VEZT: variants seen among roughly 807,000 people sequenced by gnomAD.
The protein encoded by VEZT is vezatin.
In VEZT, 39 loss-of-function variants were observed where a neutral mutation model predicts 79.9. That is an observed-to-expected ratio of 0.49 (90% CI 0.38 to 0.64). The LOEUF (loss-of-function observed/expected upper bound fraction) is 0.64, where lower values mean the gene tolerates loss of function less well. Among genes scored for constraint, VEZT ranks in the 30% least tolerant of loss-of-function variants. VEZT has a pLI of 0.00. For synonymous variants in VEZT, 325 were observed against 327.6 expected (o/e 0.99, Z 0.09); for missense variants, 837 against 893.1 (o/e 0.94, Z 0.80).
At chr12:95,236,882 T>TC in intron 1 of VEZT, among the ~76,000 whole-genome samples, 1 of 152,168 alleles carries the variant, frequency 6.6e-6, no homozygotes, top group Admixed American at 6.5e-5. Context: ...CCATGGTGCT[T>TC]GGCTCTTACT....
intron 9 of VEZT, among the ~76,000 whole-genome samples, chr12:95,292,663 C>T (rs1457774256): frequency 6.6e-6 from 1 of 151,740 alleles, no homozygotes; most frequent in Non-Finnish European, 1.5e-5. Context: ...ATTCTCCTGC[C>T]TCAGCCTCCC....
At chr12:95,276,200 T>A (rs1239674135) in intron 7 of VEZT, among the ~76,000 whole-genome samples, 1 of 151,810 alleles carries the variant, frequency 6.6e-6, no homozygotes, top group African/African-American at 2.4e-5. Context: ...ATGACATTAG[T>A]GTAGCAGCCA....
chr12:95,219,244 C>T (rs1284208911), intron 1 of VEZT, among the ~76,000 whole-genome samples: 2 of 152,012 alleles, frequency 1.3e-5, no homozygotes, highest in African/African-American at 4.8e-5. Context: ...TTTTTGATTT[C>T]TGAATATAAT....
At chr12:95,251,217 G>C (rs926872282) in intron 1 of VEZT, among the ~76,000 whole-genome samples, 1 of 152,034 alleles carries the variant, frequency 6.6e-6, no homozygotes, top group African/African-American at 2.4e-5. Flanking sequence ...CACCATGTTG[G>C]CCAGGCTGGT....
chr12:95,218,014 C>T lies in VEZT; in HGVS notation c.36+128C>T, dbSNP rs2056946535. 5.3e-6 allele frequency: 5 copies of T among 939,448 alleles called. No individual in the cohort carries two copies. The Admixed American group carries it at 1.8e-4, about 33-fold the overall frequency. The allele number at this position is 939,448 out of a possible 1,614,324, so 58.2% of individuals were successfully genotyped here. A position where few individuals can be genotyped will look rare whatever the true frequency, so the allele number is the denominator to read the frequency against. On this transcript the variant is annotated intron_variant, in intron 1 of 11. Coordinates refer to ENST00000436874, the MANE Select transcript of VEZT (RefSeq NM_017599.4). Reference sequence around the variant, plus strand: ...GCTCCAGCTGGCCTCGACCACCGAACCCCAGCGATTTCAGGGCCTAGAGTC... The same window carrying T: ...GCTCCAGCTGGCCTCGACCACCGAATCCCAGCGATTTCAGGGCCTAGAGTC...
intron 1 of VEZT, among the ~76,000 whole-genome samples, chr12:95,222,882 G>A (rs973618188): frequency 2.6e-5 from 4 of 152,126 alleles, no homozygotes; most frequent in Admixed American, 2.0e-4. Flanking sequence ...TACAAAATGA[G>A]AATTATCTGT....
intron 3 of VEZT, among the ~76,000 whole-genome samples, chr12:95,260,959 A>G (rs2064344067): frequency 6.6e-6 from 1 of 151,732 alleles, no homozygotes; most frequent in Non-Finnish European, 1.5e-5. Context: ...CAAATATGAA[A>G]CATAAAAGTG....
At chr12:95,230,725 G>A (rs1281977663) in intron 1 of VEZT, among the ~76,000 whole-genome samples, 9 of 152,034 alleles carry the variant, frequency 5.9e-5, no homozygotes, top group Non-Finnish European at 8.8e-5. Flanking sequence ...TCTGGCCTTT[G>A]TCTTAAAGCA....
chr12:95,230,574 CTT>C (rs56104790), intron 1 of VEZT, among the ~76,000 whole-genome samples: 24,710 of 137,216 alleles, frequency 0.18, 2,765 homozygotes, highest in African/African-American at 0.35. Context: ...GTTATCTCTC[CTT>C]TTTTTTTTTT....
intron 7 of VEZT, among the ~76,000 whole-genome samples, chr12:95,281,795 C>T (rs2069195139): frequency 6.6e-6 from 1 of 152,142 alleles, no homozygotes; most frequent in East Asian, 1.9e-4. Flanking sequence ...ATCCATCCGC[C>T]TTCACCTCCC....
intron 2 of VEZT, among the ~76,000 whole-genome samples, chr12:95,254,355 T>C (rs2063117900): frequency 7.0e-6 from 1 of 143,406 alleles, no homozygotes; most frequent in Non-Finnish European, 1.5e-5. Flanking sequence ...TTTTTTTTTT[T>C]TTTTTTTTTG....
Position 95,267,881 on chromosome 12 carries a change from C to T in VEZT, c.710+1249C>T, listed in dbSNP as rs979574817. Among the ~76,000 whole-genome samples, 5 of 151,994 alleles carry T rather than the reference C, an allele frequency of 3.3e-5. No individual in the cohort carries two copies. In the East Asian group the frequency reaches 7.8e-4, roughly 24 times the overall value. On this transcript the variant is annotated intron_variant, in intron 5 of 11. Coordinates refer to ENST00000436874, the MANE Select transcript of VEZT (RefSeq NM_017599.4). ...TACAAATAATAAAAAATTAGCCAGACGTGGTGGCACACACCTGTAGTCCCA... is the reference window on the plus strand; with the variant it reads ...TACAAATAATAAAAAATTAGCCAGATGTGGTGGCACACACCTGTAGTCCCA...
intron 6 of VEZT, among the ~76,000 whole-genome samples, chr12:95,270,842 T>C (rs1447665226): frequency 6.6e-6 from 1 of 152,202 alleles, no homozygotes; most frequent in Non-Finnish European, 1.5e-5. Flanking sequence ...AGGAAATTAG[T>C]TCTATTAGCC....
At chr12:95,227,692 A>G (rs1416429443) in intron 1 of VEZT, among the ~76,000 whole-genome samples, 1 of 152,050 alleles carries the variant, frequency 6.6e-6, no homozygotes, top group African/African-American at 2.4e-5. Flanking sequence ...GCCCAGGTTC[A>G]AGTGATTGTT....
chr12:95,262,030 A>G (rs75999153), intron 3 of VEZT, among the ~76,000 whole-genome samples: 237 of 152,328 alleles, frequency 1.6e-3, no homozygotes, highest in African/African-American at 5.4e-3. Flanking sequence ...CAAATTAGAA[A>G]GGCTTTTATC....
chr12:95,293,125 C>T (rs2073359995), intron 9 of VEZT, among the ~76,000 whole-genome samples: 1 of 152,200 alleles, frequency 6.6e-6, no homozygotes, highest in Non-Finnish European at 1.5e-5. Flanking sequence ...GCTAGGATTA[C>T]AGGCGTGAGC....
intron 1 of VEZT, among the ~76,000 whole-genome samples, chr12:95,235,736 G>A (rs1211771401): frequency 1.3e-5 from 2 of 151,768 alleles, no homozygotes; most frequent in African/African-American, 2.4e-5. Flanking sequence ...CCTCCCTCCC[G>A]GACGGGGTGG....
rs2075020477 is a variant in VEZT at position 95,300,201 on chromosome 12, A to G, written c.1868A>G (p.Glu623Gly). The change falls in exon 12 of 12, where the codon GAA (glutamate) becomes GGA (glycine). Residue 623 changes from glutamate (E) to glycine (G), a missense_variant. Coordinates refer to ENST00000436874, the MANE Select transcript of VEZT (RefSeq NM_017599.4). ...TCCTTGTCTCCTGTAGACCCAGTGGAACCCATAAGTAATTCAGAACCATCA... is the reference window on the plus strand; with the variant it reads ...TCCTTGTCTCCTGTAGACCCAGTGGGACCCATAAGTAATTCAGAACCATCA... ...LKSLSPVDPVEPISNSEPSMN... is the reference protein window; with the variant it reads ...LKSLSPVDPVGPISNSEPSMN... 1.3e-6 allele frequency: 2 copies of G among 1,550,574 alleles called. No individual in the cohort carries two copies. Among genetic ancestry groups the G allele is most frequent in the African/African-American group, 1.4e-5 (1 of 72,776 alleles).
chr12:95,269,986 G>T, intron 5 of VEZT, 65 bp from the exon 6 acceptor site: 7 of 1,545,148 alleles, frequency 4.5e-6, no homozygotes, highest in Non-Finnish European at 6.1e-6. Flanking sequence ...GTGGATTTAG[G>T]AAACAAAAAC....
Sources: allele counts gnomAD v4.1 joint callset (sites outside exome capture counted in the v4.1 genomes callset), GRCh38; gene constraint gnomAD v4.1.1; transcripts MANE v1.5; gene names NCBI Gene and HGNC (gene_info 2026-07-23, HGNC 2026-07-21).